The following FER variants were observed in gnomAD, a reference collection of about 807,000 sequenced individuals.
The protein encoded by FER is tyrosine-protein kinase Fer.
Under a neutral mutation model 111.0 loss-of-function variants are expected in FER, and 63 were observed. The ratio of observed to expected loss-of-function variants is 0.57; its 90% CI spans 0.46 to 0.70. FER has a LOEUF of 0.70. Ranked by LOEUF, FER falls within the 30% of genes least tolerant of loss-of-function variation. The pLI is 0.00. For synonymous variants in FER, 327 were observed against 313.9 expected (o/e 1.04, Z -0.44); for missense variants, 914 against 954.0 (o/e 0.96, Z 0.55).
intron 17 of FER, among the ~76,000 whole-genome samples, chr5:109,137,899 T>C (rs1332220752): frequency 6.6e-6 from 1 of 152,226 alleles, no homozygotes; most frequent in Non-Finnish European, 1.5e-5. Context: ...ACCCATTAGC[T>C]AGTGTCTTGA....
chr5:108,834,654 T>C (rs1760420102), intron 4 of FER, among the ~76,000 whole-genome samples: 1 of 146,060 alleles, frequency 6.8e-6, no homozygotes, highest in African/African-American at 2.6e-5. Context: ...GCCTAGATCA[T>C]GCCACTGCCC....
At chr5:109,019,198 A>G (rs570180375) in intron 13 of FER, among the ~76,000 whole-genome samples, 1 of 151,246 alleles carries the variant, frequency 6.6e-6, no homozygotes, top group African/African-American at 2.4e-5. Context: ...TGGTTTTGGA[A>G]CTCTTCAGTT....
intron 17 of FER, among the ~76,000 whole-genome samples, chr5:109,164,156 A>G (rs1743472509): frequency 6.6e-6 from 1 of 152,206 alleles, no homozygotes; most frequent in African/African-American, 2.4e-5. Context: ...AGGTGTTTTC[A>G]GAGGCCTTCG....
intron 17 of FER, among the ~76,000 whole-genome samples, chr5:109,135,437 G>T (rs1165023049): frequency 6.6e-6 from 1 of 152,184 alleles, no homozygotes; most frequent in Non-Finnish European, 1.5e-5. Context: ...GCTCTTAATA[G>T]TGTGGGGCTT....
chr5:108,949,452 A>G (rs1757436103), intron 11 of FER, among the ~76,000 whole-genome samples: 1 of 152,136 alleles, frequency 6.6e-6, no homozygotes, highest in Non-Finnish European at 1.5e-5. Flanking sequence ...TATCACTCTC[A>G]TACACTAAAT....
chr5:109,156,379 A>C (rs1291639106), intron 17 of FER, among the ~76,000 whole-genome samples: 1 of 152,106 alleles, frequency 6.6e-6, no homozygotes, highest in Non-Finnish European at 1.5e-5. Context: ...AAATTAGTGA[A>C]TAGTGGTACC....
intron 10 of FER, among the ~76,000 whole-genome samples, chr5:108,913,149 A>G (rs1001354955): frequency 6.6e-6 from 1 of 152,192 alleles, no homozygotes; most frequent in Non-Finnish European, 1.5e-5. Context: ...CATTTATGCT[A>G]TTATTATACC....
intron 17 of FER, among the ~76,000 whole-genome samples, chr5:109,136,261 C>A (rs1001545296): frequency 1.3e-5 from 2 of 151,472 alleles, no homozygotes; most frequent in East Asian, 3.9e-4. Flanking sequence ...CCACTGTACT[C>A]CAGCCTGGGT....
At chr5:109,136,835 C>T (rs555468283) in intron 17 of FER, among the ~76,000 whole-genome samples, 2 of 152,116 alleles carry the variant, frequency 1.3e-5, no homozygotes, top group East Asian at 3.9e-4. Context: ...AGTCTCTAGT[C>T]CAAGCTTTAA....
At chr5:108,902,364 G>C (rs975799364) in intron 10 of FER, among the ~76,000 whole-genome samples, 14 of 152,254 alleles carry the variant, frequency 9.2e-5, no homozygotes, top group African/African-American at 1.7e-4. Context: ...GTATTGATTT[G>C]ATTCATTAGA....
intron 2 of FER, among the ~76,000 whole-genome samples, chr5:108,773,748 C>G (rs1232710618): frequency 6.6e-6 from 1 of 152,042 alleles, no homozygotes; most frequent in Non-Finnish European, 1.5e-5. Context: ...ATTTCTGTCT[C>G]TAGGTCTTTG....
chr5:108,867,407 T>TTA (rs1764171721), intron 5 of FER, among the ~76,000 whole-genome samples: 2 of 152,140 alleles, frequency 1.3e-5, no homozygotes, highest in South Asian at 4.1e-4. Context: ...AAATTTAACA[T>TTA]TATTTACAAA....
At chr5:109,010,305 C>T (rs573398627) in intron 13 of FER, among the ~76,000 whole-genome samples, 33 of 152,170 alleles carry the variant, frequency 2.2e-4, no homozygotes, top group Non-Finnish European at 4.9e-4. Context: ...CTACAGGCGC[C>T]CGCCACCACG....
At chr5:108,824,111 G>A (rs2150111852) in intron 3 of FER, among the ~76,000 whole-genome samples, 1 of 151,870 alleles carries the variant, frequency 6.6e-6, no homozygotes, top group Admixed American at 6.6e-5. Flanking sequence ...ATTTTTCTGT[G>A]CTCCCTCTAT....
At chr5:108,980,964 T>G (rs1761957026) in intron 13 of FER, among the ~76,000 whole-genome samples, 1 of 152,102 alleles carries the variant, frequency 6.6e-6, no homozygotes, top group Admixed American at 6.6e-5. Flanking sequence ...TTGGTAGGGT[T>G]TTTTAGAGAA....
chr5:108,922,409 T>TTGTGAA (rs1654533964), intron 10 of FER, among the ~76,000 whole-genome samples: 1 of 152,118 alleles, frequency 6.6e-6, no homozygotes, highest in Non-Finnish European at 1.5e-5. Flanking sequence ...GCAAAACCAG[T>TTGTGAA]GAGTACAGAT....
chr5:109,003,310 C>CT (rs1260551498), intron 13 of FER, among the ~76,000 whole-genome samples: 1 of 145,548 alleles, frequency 6.9e-6, no homozygotes, highest in East Asian at 1.9e-4. Context: ...AGTTCATGTC[C>CT]TTTGAGGGAC....
chr5:109,011,006 T>C (rs1766190502), intron 13 of FER, among the ~76,000 whole-genome samples: 1 of 152,232 alleles, frequency 6.6e-6, no homozygotes, highest in Non-Finnish European at 1.5e-5. Context: ...TGAGCCTCAC[T>C]CAGATGTACA....
intron 13 of FER, among the ~76,000 whole-genome samples, chr5:108,994,422 A>T (rs1161008912): frequency 6.6e-6 from 1 of 152,028 alleles, no homozygotes; most frequent in East Asian, 1.9e-4. Flanking sequence ...ATGGTTGTAG[A>T]TGTGCAGTCA....
Sources: gnomAD v4.1 joint callset for allele counts (sites outside exome capture counted in the v4.1 genomes callset) on GRCh38, gnomAD v4.1.1 for gene constraint, MANE v1.5 for transcripts, NCBI Gene and HGNC (gene_info 2026-07-23, HGNC 2026-07-21) for gene names.